OGDH: variants seen among roughly 807,000 people sequenced by gnomAD.
OGDH encodes the protein 2-oxoglutarate dehydrogenase complex component E1.
Under a neutral mutation model 116.6 loss-of-function variants are expected in OGDH, and 38 were observed. The ratio of observed to expected loss-of-function variants is 0.33; its 90% CI spans 0.25 to 0.43. The LOEUF (loss-of-function observed/expected upper bound fraction) is 0.43, where lower values mean the gene tolerates loss of function less well. Among genes scored for constraint, OGDH ranks in the 20% least tolerant of loss-of-function variants. OGDH has a pLI of 1.00. For missense variants in OGDH, 825 were observed against 1,357.2 expected (o/e 0.61, Z 6.16); for synonymous variants, 488 against 533.3 (o/e 0.92, Z 1.17).
At chr7:44,665,513 G>C (rs1359867121) in intron 4 of OGDH, among the ~76,000 whole-genome samples, 1 of 152,194 alleles carries the variant, frequency 6.6e-6, no homozygotes. Context: ...TTCAGTACCA[G>C]GGTTGGAGCC....
intron 4 of OGDH, among the ~76,000 whole-genome samples, chr7:44,649,162 C>G (rs1021097034): frequency 6.6e-6 from 1 of 151,824 alleles, no homozygotes; most frequent in Non-Finnish European, 1.5e-5. Flanking sequence ...CAGGGACTTG[C>G]ATCTGGAAGC....
chr7:44,686,031 T>C (rs944707767), intron 10 of OGDH, among the ~76,000 whole-genome samples: 1 of 151,274 alleles, frequency 6.6e-6, no homozygotes, highest in African/African-American at 2.4e-5. Flanking sequence ...TTATTAGTTC[T>C]AATTTTCTTT....
In OGDH at chr7:44,627,744, C is replaced by G. The variant is rs148890507; in HGVS notation, c.222+3179C>G. On this transcript the variant is annotated intron_variant, in intron 2 of 22. Transcript: ENST00000222673. ...CCAGGCTGCAGTGCAGTGAGGTGAT[C>G]TCAGCTCACTGCAACCTCCACCTCC... Among the ~76,000 whole-genome samples the G allele has an allele frequency of 4.0e-4, 61 of 152,256 alleles. No homozygotes were observed. In the East Asian group the frequency reaches 0.012, roughly 29 times the overall value.
chr7:44,688,229 G>A (rs1277194822), intron 10 of OGDH, among the ~76,000 whole-genome samples: 1 of 151,802 alleles, frequency 6.6e-6, no homozygotes, highest in Admixed American at 6.6e-5. Flanking sequence ...AAATTAGCCA[G>A]GCGTGGTGGC....
At chr7:44,646,214 A>G (rs1786174701) in intron 3 of OGDH, among the ~76,000 whole-genome samples, 1 of 152,228 alleles carries the variant, frequency 6.6e-6, no homozygotes, top group African/African-American at 2.4e-5. Context: ...GACGACAGGT[A>G]GAGACAAGTG....
intron 1 of OGDH, among the ~76,000 whole-genome samples, chr7:44,615,410 A>G (rs954380206): frequency 1.3e-5 from 2 of 152,014 alleles, no homozygotes; most frequent in African/African-American, 4.8e-5. Context: ...GCTGGATGGG[A>G]TTGAAATCCA....
At chr7:44,671,297 C>T (rs1382242113) in intron 5 of OGDH, among the ~76,000 whole-genome samples, 2 of 151,906 alleles carry the variant, frequency 1.3e-5, no homozygotes, top group African/African-American at 2.4e-5. Context: ...TTTTAGCAAC[C>T]AGCTCTCTCA....
chr7:44,659,283 A>G (rs542003578), intron 4 of OGDH, among the ~76,000 whole-genome samples: 3 of 152,294 alleles, frequency 2.0e-5, no homozygotes, highest in Admixed American at 2.0e-4. Context: ...ATGGTATATA[A>G]TTCTCTTTAT....
At chr7:44,681,498 G>C (rs972926949) in intron 9 of OGDH, among the ~76,000 whole-genome samples, 1 of 152,252 alleles carries the variant, frequency 6.6e-6, no homozygotes, top group African/African-American at 2.4e-5. Flanking sequence ...TTTCAGTGCT[G>C]AGAACAGATG....
intron 10 of OGDH, among the ~76,000 whole-genome samples, chr7:44,688,714 G>A (rs995122507): frequency 2.0e-5 from 3 of 151,988 alleles, no homozygotes; most frequent in African/African-American, 4.8e-5. Flanking sequence ...ACAAGCGTGA[G>A]CCACAGCGCC....
chr7:44,675,095 A>C, intron 7 of OGDH, 83 bp from the exon 8 acceptor site: 3 of 973,872 alleles, frequency 3.1e-6, no homozygotes, highest in South Asian at 1.3e-5. Context: ...GGGGAGGGGG[A>C]GGGGGGGATT....
At chr7:44,627,405 G>T (rs1420718305) in intron 2 of OGDH, among the ~76,000 whole-genome samples, 1 of 152,212 alleles carries the variant, frequency 6.6e-6, no homozygotes, top group Non-Finnish European at 1.5e-5. Flanking sequence ...CACTTTATTT[G>T]TGCTCTTATT....
At chr7:44,690,675 G>A (rs746598260) in intron 10 of OGDH, among the ~76,000 whole-genome samples, 3 of 152,192 alleles carry the variant, frequency 2.0e-5, no homozygotes, top group East Asian at 3.8e-4. Context: ...GTGCACCTCC[G>A]TCATGTGTGC....
At chr7:44,627,863 G>C (rs567089842) in intron 2 of OGDH, among the ~76,000 whole-genome samples, 1 of 152,074 alleles carries the variant, frequency 6.6e-6, no homozygotes. Flanking sequence ...TTTTAGTAGA[G>C]ACGGGGTTTC....
chr7:44,678,243 A>G (rs73109436), intron 9 of OGDH, among the ~76,000 whole-genome samples: 4,908 of 152,074 alleles, frequency 0.032, 124 homozygotes, highest in Admixed American at 0.067. Flanking sequence ...GCATGGGGAG[A>G]TCAGCATTGT....
intron 9 of OGDH, among the ~76,000 whole-genome samples, chr7:44,678,991 T>C (rs530648966): frequency 2.1e-4 from 32 of 152,304 alleles, no homozygotes; most frequent in Admixed American, 7.2e-4. Context: ...ATTTCCTCAG[T>C]GCAGCAATGC....
intron 1 of OGDH, among the ~76,000 whole-genome samples, chr7:44,622,618 A>G (rs764379150): frequency 5.0e-4 from 76 of 152,168 alleles, no homozygotes; most frequent in Admixed American, 9.8e-4. Context: ...GAAGTTTCTG[A>G]TAAATAATAT....
chr7:44,640,154 T>C (rs1346553044), intron 2 of OGDH, among the ~76,000 whole-genome samples: 2 of 152,230 alleles, frequency 1.3e-5, no homozygotes, highest in East Asian at 3.8e-4. Context: ...GAAATTCCTT[T>C]CATTTTATTG....
chr7:44,657,443 A>C (rs2115936423), intron 4 of OGDH, among the ~76,000 whole-genome samples: 2 of 152,208 alleles, frequency 1.3e-5, no homozygotes, highest in Admixed American at 1.3e-4. Context: ...GTTCCTTTTT[A>C]TTGCTGAGTA....
Sources: gnomAD v4.1 joint callset for allele counts (sites outside exome capture counted in the v4.1 genomes callset) on GRCh38, gnomAD v4.1.1 for gene constraint, MANE v1.5 for transcripts, NCBI Gene and HGNC (gene_info 2026-07-23, HGNC 2026-07-21) for gene names.